UVSSA: variants seen among roughly 807,000 people sequenced by gnomAD.
UVSSA encodes the protein UV stimulated scaffold protein A.
In UVSSA, 72 loss-of-function variants were observed where a neutral mutation model predicts 73.9. The ratio of observed to expected loss-of-function variants is 0.97; its 90% CI spans 0.81 to 1.19. UVSSA has a LOEUF of 1.19. Ranked by LOEUF, UVSSA falls within the 50% of genes most tolerant of loss-of-function variation. UVSSA has a pLI of 0.00. For missense variants in UVSSA, 1,150 were observed against 965.0 expected (o/e 1.19, Z -2.54); for synonymous variants, 454 against 391.3 (o/e 1.16, Z -1.89).
Position 1,347,503 on chromosome 4 carries a change from A to G in UVSSA, c.-260A>G, listed in dbSNP as rs71614967. On this transcript the variant is annotated 5_prime_UTR_variant, in exon 1 of 14. Transcript: ENST00000389851. ...CCCTGCCGGGCCCCTTCTTTCCCCG[A>G]GTAGGGCGCAGCTTCCCAGCCTCCG... 67,699 of 152,332 alleles carry G rather than the reference A, an allele frequency of 0.44. 15,817 individuals carry two copies. Among genetic ancestry groups the G allele is most frequent in the Non-Finnish European group, 0.52 (35,342 of 68,070 alleles). The allele number at this position is 152,332 out of a possible 1,614,324, so 9.4% of individuals were successfully genotyped here.
At chr4:1,353,537 G>T in intron 5 of UVSSA, 124 bp downstream of exon 5, 1 of 1,311,300 alleles carries the variant, frequency 7.6e-7, no homozygotes, top group Non-Finnish European at 1.0e-6. Context: ...AGCTAGGTCA[G>T]GGGTCACCAC....
At chr4:1,377,140 G>T (rs573585955) in intron 10 of UVSSA, among the ~76,000 whole-genome samples, 5 of 152,324 alleles carry the variant, frequency 3.3e-5, no homozygotes, top group Non-Finnish European at 7.4e-5. Flanking sequence ...AGAGCGGGGG[G>T]GCAGGGGAGC....
chr4:1,379,150 C>G (rs546277499), intron 10 of UVSSA, among the ~76,000 whole-genome samples: 11 of 152,336 alleles, frequency 7.2e-5, no homozygotes, highest in African/African-American at 2.6e-4. Context: ...TCGGGCAGAG[C>G]CGACCGTTCC....
chr4:1,372,134 T>C (rs1718124365), intron 8 of UVSSA, among the ~76,000 whole-genome samples: 1 of 152,264 alleles, frequency 6.6e-6, no homozygotes, highest in South Asian at 2.1e-4. Flanking sequence ...CCTCTGTCTT[T>C]TGGTCACTGT....
intron 13 of UVSSA, 44 bp from the exon 14 acceptor site, chr4:1,385,824 T>G: frequency 1.2e-6 from 2 of 1,607,730 alleles, no homozygotes; most frequent in African/African-American, 2.7e-5. Flanking sequence ...CCCAGGCCCC[T>G]GGCGGAAGCC....
intron 2 of UVSSA, among the ~76,000 whole-genome samples, chr4:1,349,061 C>T (rs147184894): frequency 1.5e-5 from 2 of 137,802 alleles, no homozygotes; most frequent in East Asian, 4.3e-4. Flanking sequence ...GGGCGGTTGG[C>T]GTTTGTGCCG....
chr4:1,375,485 C>G lies in UVSSA; in HGVS notation c.1410C>G (p.His470Gln), dbSNP rs1577360322. The change falls in exon 9 of 14, where the codon CAC (histidine) becomes CAG (glutamine). Residue 470 changes from histidine (H) to glutamine (Q), a missense_variant. By Grantham distance (24) the His-to-Gln change is conservative. Coordinates refer to ENST00000389851, the MANE Select transcript of UVSSA (RefSeq NM_020894.4). ...CTCAGCTGCGGCAGCTCCGGGACCA[C>G]TTGCCTCCACCCTCATCTGCCAGGT... The part of the protein sequence containing the change: ...AAAQLRQLRD[H>Q]LPPPSSASPS... The G allele has an allele frequency of 6.2e-6, 10 of 1,611,344 alleles. No homozygotes were observed. In the South Asian group the frequency reaches 6.6e-5, roughly 11 times the overall value.
intron 8 of UVSSA, among the ~76,000 whole-genome samples, chr4:1,369,898 C>T (rs1184476312): frequency 6.6e-6 from 1 of 152,250 alleles, no homozygotes. Flanking sequence ...GCGGGCAAGG[C>T]GGGCGCCGCG....
chr4:1,382,444 A>G (rs1719617466), intron 12 of UVSSA, among the ~76,000 whole-genome samples: 1 of 152,180 alleles, frequency 6.6e-6, no homozygotes, highest in South Asian at 2.1e-4. Flanking sequence ...CCTCAGTGAC[A>G]ATGTGCGTGC....
chr4:1,367,799 C>A (rs1051220624), intron 8 of UVSSA, among the ~76,000 whole-genome samples: 14 of 152,174 alleles, frequency 9.2e-5, no homozygotes, highest in African/African-American at 3.1e-4. Flanking sequence ...CAGACCCCTT[C>A]CCCCACCGAG....
At position 1,353,195 on chromosome 4, in the gene UVSSA, G is replaced by T. The variant is rs140577099; in HGVS notation, c.716G>T (p.Arg239Leu). 3 of 1,612,740 alleles carry T rather than the reference G, an allele frequency of 1.9e-6. No individual in the cohort carries two copies. The highest frequency in any genetic ancestry group is 2.2e-5 in the South Asian group (2 of 91,074). ...TGCGCGGGCCAGGTGGGCCCCTGCC[G>T]GTCTGGCACCCCTGACCCCCGGGAC... The part of the protein sequence containing the change: ...SSCAGQVGPC[R>L]SGTPDPRDGE... Residue 239 changes from arginine (R) to leucine (L), a missense_variant, in exon 5 of 14, where the codon CGG becomes CTG. Transcript: ENST00000389851.
intron 8 of UVSSA, among the ~76,000 whole-genome samples, chr4:1,374,412 C>T (rs572605235): frequency 5.3e-5 from 8 of 152,364 alleles, no homozygotes; most frequent in African/African-American, 1.9e-4. Flanking sequence ...CCCCACGGAG[C>T]AGCCTGAGAG....
At chr4:1,351,128 C>T (rs906614978) in intron 3 of UVSSA, among the ~76,000 whole-genome samples, 6 of 152,120 alleles carry the variant, frequency 3.9e-5, no homozygotes, top group South Asian at 2.1e-4. Context: ...TGCAGTGGTG[C>T]GATCTCAGCT....
chr4:1,344,422 G>A (rs984459523), upstream of UVSSA, among the ~76,000 whole-genome samples: 4 of 151,960 alleles, frequency 2.6e-5, no homozygotes, highest in East Asian at 5.8e-4. Context: ...GTGGTGGTGG[G>A]CGCCTGTAAT....
At chr4:1,367,951 C>T (rs1279596954) in intron 8 of UVSSA, among the ~76,000 whole-genome samples, 1 of 152,274 alleles carries the variant, frequency 6.6e-6, no homozygotes, top group Non-Finnish European at 1.5e-5. Flanking sequence ...GACATGAGGG[C>T]CCTGGGGGTG....
At chr4:1,367,581 C>T (rs567256675) in intron 8 of UVSSA, among the ~76,000 whole-genome samples, 2 of 152,154 alleles carry the variant, frequency 1.3e-5, no homozygotes, top group African/African-American at 2.4e-5. Flanking sequence ...AGGGAGGGCC[C>T]AGGCTGGGAA....
chr4:1,350,766 T>TAA (rs34918099), intron 3 of UVSSA, among the ~76,000 whole-genome samples: 171 of 139,392 alleles, frequency 1.2e-3, no homozygotes, highest in Middle Eastern at 0.011. Flanking sequence ...CGTTGTCTCT[T>TAA]AAAAAAAAAA....
rs761235081 is a variant in UVSSA at position 1,370,172 on chromosome 4, T to A, written c.1288+3741T>A. ...ATTTCATTCTTGTAACTCTTAGGAA[T>A]TCTCAGATTGATCTTTTGGCTGCGA... is the stretch of plus-strand genomic sequence containing the variant. On this transcript the variant is annotated intron_variant, in intron 8 of 13. Coordinates refer to ENST00000389851, the MANE Select transcript of UVSSA (RefSeq NM_020894.4). 2.0e-5 allele frequency among the ~76,000 whole-genome samples: 3 copies of A among 152,006 alleles called. No homozygotes were observed. The South Asian group carries it at 6.2e-4, about 31-fold the overall frequency.
Position 1,376,028 on chromosome 4 carries a change from C to A in UVSSA, c.1434-6C>A. On this transcript the variant is annotated splice_polypyrimidine_tract_variant and splice_region_variant and intron_variant, in intron 9 of 13. Transcript: ENST00000389851. Reference sequence around the variant, plus strand: ...ACCGTCAGGCTGTCCCACTCTGCTCCTGTAGCCCCTCCAGAGCGTTGCCAG... The same window carrying A: ...ACCGTCAGGCTGTCCCACTCTGCTCATGTAGCCCCTCCAGAGCGTTGCCAG... The A allele has an allele frequency of 6.3e-7, 1 of 1,589,306 alleles. No homozygotes were observed.
Sources: gnomAD v4.1 joint callset for allele counts (sites outside exome capture counted in the v4.1 genomes callset) on GRCh38, gnomAD v4.1.1 for gene constraint, MANE v1.5 for transcripts, NCBI Gene and HGNC (gene_info 2026-07-23, HGNC 2026-07-21) for gene names.